The following SAMD13 variants were observed in gnomAD, a reference collection of about 807,000 sequenced individuals.
The protein encoded by SAMD13 is sterile alpha motif domain-containing protein 13.
SAMD13 carries 9 observed loss-of-function variants against 12.4 expected under a neutral mutation model. The ratio of observed to expected loss-of-function variants is 0.72; its 90% CI spans 0.44 to 1.26. The LOEUF is 1.26. Ranked by LOEUF, SAMD13 falls within the 50% of genes most tolerant of loss-of-function variation. SAMD13 has a pLI of 0.00. For synonymous variants in SAMD13, 46 were observed against 45.4 expected, an observed-to-expected ratio of 1.01 and a Z score of -0.05; for missense variants, 84 against 119.6, an observed-to-expected ratio of 0.70 and a Z score of 1.39.
intron 2 of SAMD13, among the ~76,000 whole-genome samples, chr1:84,307,208 T>G (rs558608324): frequency 1.3e-5 from 2 of 152,226 alleles, no homozygotes; most frequent in African/African-American, 4.8e-5. Flanking sequence ...CCATAATTCA[T>G]TGATGATTGG....
At chr1:84,318,539 A>G (rs1678880701) in intron 2 of SAMD13, among the ~76,000 whole-genome samples, 1 of 152,164 alleles carries the variant, frequency 6.6e-6, no homozygotes, top group South Asian at 2.1e-4. Flanking sequence ...ATCCTGGATA[A>G]TGTTCCATGT....
chr1:84,322,128 G>A (rs1446662758), intron 2 of SAMD13, among the ~76,000 whole-genome samples: 1 of 152,216 alleles, frequency 6.6e-6, no homozygotes, highest in South Asian at 2.1e-4. Context: ...TTCACCCCTC[G>A]ATTCGAATAT....
Position 84,349,823 on chromosome 1 carries a change from T to A in SAMD13, c.*49T>A, listed in dbSNP as rs192582626. ...CCTCAAAAAATACATAATGACATAATTTAGTTTCATGTAATGAAACTTTGT... is the reference window on the plus strand; with the variant it reads ...CCTCAAAAAATACATAATGACATAAATTAGTTTCATGTAATGAAACTTTGT... On this transcript the variant is annotated 3_prime_UTR_variant, in exon 4 of 4. Coordinates refer to ENST00000394834, the MANE Select transcript of SAMD13 (RefSeq NM_001134663.2). 17 of 1,572,398 alleles carry A rather than the reference T, an allele frequency of 1.1e-5. No homozygotes were observed. In the East Asian group the frequency reaches 3.2e-4, roughly 29 times the overall value.
chr1:84,298,689 G>A (rs1678369257), upstream of SAMD13: 2 of 959,136 alleles, frequency 2.1e-6, no homozygotes, highest in African/African-American at 3.4e-5. Flanking sequence ...AACACATCTT[G>A]GCCGTGTGTC....
intron 3 of SAMD13, among the ~76,000 whole-genome samples, chr1:84,336,872 A>C (rs1679307237): frequency 6.6e-6 from 1 of 152,342 alleles, no homozygotes; most frequent in Admixed American, 6.5e-5. Context: ...GTGGGGGTAC[A>C]GGCATTATGT....
rs1220721398 is a variant in SAMD13, at chr1:84,312,190, G to A, written c.53+8903G>A. 2.6e-5 allele frequency among the ~76,000 whole-genome samples: 4 copies of A among 151,976 alleles called. No homozygotes were observed. The South Asian group carries it at 8.3e-4, about 31-fold the overall frequency. On this transcript the variant is annotated intron_variant, in intron 2 of 3. Coordinates refer to ENST00000394834, the MANE Select transcript of SAMD13 (RefSeq NM_001134663.2). ...AAAGATCCAAGCCATTTATAGCTAA[G>A]CAAAATTATAAGCTCAGATTCTGTT...
In SAMD13 at chr1:84,310,998, A is replaced by T. The variant is rs191637265; in HGVS notation, c.53+7711A>T. On this transcript the variant is annotated intron_variant, in intron 2 of 3. Transcript: ENST00000394834. ...GGAACTTCAAATTTAGCTGTTTCAT[A>T]TGCAGTGTGATATCAAAGTTATTCA... 2.8e-4 allele frequency among the ~76,000 whole-genome samples: 43 copies of T among 152,288 alleles called. No homozygotes were observed. In the East Asian group the frequency reaches 7.5e-3, roughly 27 times the overall value.
chr1:84,301,514 A>C, upstream of SAMD13: 1 of 620,946 alleles, frequency 1.6e-6, no homozygotes, highest in Non-Finnish European at 2.0e-6. Flanking sequence ...CAGGTTTTGG[A>C]CTCCTTACTC....
At chr1:84,314,661 A>G (rs1050312920) in intron 2 of SAMD13, among the ~76,000 whole-genome samples, 39 of 152,116 alleles carry the variant, frequency 2.6e-4, no homozygotes, top group African/African-American at 9.4e-4. Context: ...TCTTCCCAAA[A>G]AAACAGCAAT....
At chr1:84,329,133 A>G (rs148247075) in intron 3 of SAMD13, among the ~76,000 whole-genome samples, 100 of 152,230 alleles carry the variant, frequency 6.6e-4, no homozygotes, top group Middle Eastern at 3.4e-3. Context: ...GATGAGATCA[A>G]TGCTCTTATA....
chr1:84,330,793 CA>C (rs1217570105), intron 3 of SAMD13, among the ~76,000 whole-genome samples: 4 of 152,130 alleles, frequency 2.6e-5, no homozygotes, highest in Non-Finnish European at 1.5e-5. Context: ...GCCATTCAAT[CA>C]ATGTCATATA....
chr1:84,346,635 A>G (rs547116643), intron 3 of SAMD13, among the ~76,000 whole-genome samples: 56 of 152,332 alleles, frequency 3.7e-4, no homozygotes, highest in Admixed American at 1.6e-3. Context: ...AAAGTTACTG[A>G]TAGAGTCTGC....
At chr1:84,348,351 T>C (rs1015074586) in intron 3 of SAMD13, among the ~76,000 whole-genome samples, 2 of 151,994 alleles carry the variant, frequency 1.3e-5, no homozygotes, top group East Asian at 1.9e-4. Context: ...CACATGAGAG[T>C]TGGAGGAGCC....
At chr1:84,345,989 C>G (rs1452732193) in intron 3 of SAMD13, among the ~76,000 whole-genome samples, 1 of 152,154 alleles carries the variant, frequency 6.6e-6, no homozygotes, top group Non-Finnish European at 1.5e-5. Context: ...CAGGCATGTA[C>G]CACCATACTC....
chr1:84,301,589 AAGTC>A, upstream of SAMD13: 1 of 985,416 alleles, frequency 1.0e-6, no homozygotes, highest in Non-Finnish European at 1.2e-6. Flanking sequence ...TAGCTTTAAA[AAGTC>A]AGCCATGAAC....
Position 84,306,003 on chromosome 1 carries a change from AT to A in SAMD13, c.53+2725del, listed in dbSNP as rs35525542. Among the ~76,000 whole-genome samples the A allele has an allele frequency of 2.3e-4, 35 of 151,464 alleles. No individual in the cohort carries two copies. The East Asian group carries it at 6.2e-3, about 27-fold the overall frequency. On this transcript the variant is annotated intron_variant, in intron 2 of 3. Coordinates refer to ENST00000394834, the MANE Select transcript of SAMD13 (RefSeq NM_001134663.2). ...GAATTAGCTTGTCAGTTTCCACCAA[AT>A]TTTTTTTTGAAAATCTGTTGACATT... is the stretch of plus-strand genomic sequence containing the variant.
At chr1:84,345,254 G>A (rs977476399) in intron 3 of SAMD13, 8 of 455,670 alleles carry the variant, frequency 1.8e-5, no homozygotes, top group African/African-American at 1.6e-4. Flanking sequence ...ACTGTTTCAT[G>A]AGATTCCTCC....
chr1:84,348,386 G>C (rs1401520999), intron 3 of SAMD13, among the ~76,000 whole-genome samples: 2 of 152,170 alleles, frequency 1.3e-5, no homozygotes, highest in African/African-American at 2.4e-5. Flanking sequence ...GTGGGAGGGA[G>C]TCCGTTTTAC....
chr1:84,305,816 T>C (rs139527020), intron 2 of SAMD13, among the ~76,000 whole-genome samples: 1,594 of 152,306 alleles, frequency 0.01, 19 homozygotes, highest in African/African-American at 0.037. Context: ...ATGTGCAGGC[T>C]TATTTCTGGG....
Sources: allele counts gnomAD v4.1 joint callset (sites outside exome capture counted in the v4.1 genomes callset), GRCh38; gene constraint gnomAD v4.1.1; transcripts MANE v1.5; gene names NCBI Gene and HGNC (gene_info 2026-07-23, HGNC 2026-07-21).